The following GPC3 variants were observed in gnomAD, a reference collection of about 807,000 sequenced individuals.
GPC3 encodes glypican 3.
In GPC3, 3 loss-of-function variants were observed where a neutral mutation model predicts 34.4. The ratio of observed to expected loss-of-function variants is 0.09; its 90% CI spans 0.04 to 0.23. The LOEUF (loss-of-function observed/expected upper bound fraction) is 0.23, where lower values mean the gene tolerates loss of function less well. Among genes scored for constraint, GPC3 ranks in the 10% least tolerant of loss-of-function variants. The probability of loss-of-function intolerance (pLI) is 1.00; values close to 1 mark genes in which losing one functional copy is unlikely to be tolerated. For synonymous variants in GPC3, 177 were observed against 174.0 expected (o/e 1.02, Z -0.13); for missense variants, 351 against 445.6 (o/e 0.79, Z 1.91).
chrX:133,551,677 T>C (rs146159874), intron 7 of GPC3, among the ~76,000 whole-genome samples: 1,686 of 112,021 alleles, frequency 0.015, 31 homozygotes, highest in African/African-American at 0.049. Flanking sequence ...AAACCTCTAG[T>C]CTGGGTTCCA....
intron 2 of GPC3, among the ~76,000 whole-genome samples, chrX:133,775,554 C>T (rs1270267783): frequency 8.9e-6 from 1 of 111,780 alleles, no homozygotes; most frequent in African/African-American, 3.3e-5. Context: ...TGTCTAACTG[C>T]TCTAATTGTC....
rs150864032 is a variant in GPC3 at position 133,780,616 on chromosome X, T to C, written c.338-26440A>G. Among the ~76,000 whole-genome samples the C allele has an allele frequency of 7.6e-3, 846 of 111,526 alleles. 5 individuals are homozygous for C. The highest frequency in any genetic ancestry group is 0.026 in the African/African-American group (791 of 30,674). On this transcript the variant is annotated intron_variant, in intron 2 of 7. Transcript: ENST00000370818. ...TCTGAAAGTAATTCATGGGAACATA[T>C]AATTACCTATCAACCTGCTTTCACA... is the stretch of plus-strand genomic sequence containing the variant.
chrX:133,792,942 A>G (rs979543676), intron 2 of GPC3, among the ~76,000 whole-genome samples: 3 of 111,678 alleles, frequency 2.7e-5, no homozygotes, highest in Admixed American at 1.9e-4. Context: ...CCTTCTAACA[A>G]AAGGCCATTA....
chrX:133,754,180 TA>T lies in GPC3; in HGVS notation c.338-5del, dbSNP rs370737647. 0.2 allele frequency: 150,782 copies of T among 755,657 alleles called. 280 individuals carry two copies. The highest frequency in any genetic ancestry group is 0.32 in the Admixed American group (8,857 of 27,931). 62.3% of individuals were successfully genotyped at this position (755,657 alleles called of 1,213,427 possible). Reference sequence around the variant, plus strand: ...CGAACAACAATTTCAAAGGCCTCTGTAAAAAAAAAAAAAAAAGAGACACAAA... The same window carrying T: ...CGAACAACAATTTCAAAGGCCTCTGTAAAAAAAAAAAAAAAGAGACACAAA... On this transcript the variant is annotated splice_region_variant and splice_polypyrimidine_tract_variant and intron_variant, in intron 2 of 7. Transcript: ENST00000370818.
intron 3 of GPC3, among the ~76,000 whole-genome samples, chrX:133,726,235 T>C (rs1484905515): frequency 9.0e-6 from 1 of 111,494 alleles, no homozygotes; most frequent in Non-Finnish European, 1.9e-5. Flanking sequence ...GATCCAAACA[T>C]TGGCAGCTGG....
At chrX:133,934,903 G>T (rs2076316760) in intron 2 of GPC3, among the ~76,000 whole-genome samples, 1 of 110,701 alleles carries the variant, frequency 9.0e-6, no homozygotes, top group African/African-American at 3.3e-5. Flanking sequence ...ACTAGACGGG[G>T]CTGAAAAATC....
At chrX:133,974,339 C>A (rs1202711116) in intron 1 of GPC3, among the ~76,000 whole-genome samples, 3 of 112,649 alleles carry the variant, frequency 2.7e-5, no homozygotes, top group Non-Finnish European at 5.6e-5. Flanking sequence ...TGTGAGCCAC[C>A]ATGTCCAGCC....
intron 2 of GPC3, among the ~76,000 whole-genome samples, chrX:133,927,458 G>A (rs1423600828): frequency 9.1e-6 from 1 of 109,733 alleles, no homozygotes; most frequent in Non-Finnish European, 1.9e-5. Context: ...GATAGAGTGA[G>A]GGATAAAGGG....
chrX:133,926,286 C>T (rs1009861496), intron 2 of GPC3, among the ~76,000 whole-genome samples: 4 of 111,886 alleles, frequency 3.6e-5, no homozygotes, highest in East Asian at 2.8e-4. Flanking sequence ...CTCCAAACTC[C>T]GTAGCTGTAG....
chrX:133,589,889 T>C (rs1442665747), intron 7 of GPC3, among the ~76,000 whole-genome samples: 1 of 111,653 alleles, frequency 9.0e-6, no homozygotes, highest in Non-Finnish European at 1.9e-5. Flanking sequence ...AGAGATGAAG[T>C]ATCCCACTGC....
intron 1 of GPC3, among the ~76,000 whole-genome samples, chrX:133,977,262 G>A (rs976963929): frequency 8.9e-6 from 1 of 111,840 alleles, no homozygotes; most frequent in African/African-American, 3.3e-5. Context: ...CATGGTCCCT[G>A]CATTCAATAA....
intron 2 of GPC3, among the ~76,000 whole-genome samples, chrX:133,871,243 A>G (rs925092419): frequency 1.8e-5 from 2 of 110,733 alleles, no homozygotes; most frequent in Admixed American, 9.6e-5. Flanking sequence ...CCTTATTTCT[A>G]CTCCTGACAT....
intron 6 of GPC3, among the ~76,000 whole-genome samples, chrX:133,625,470 T>G (rs1311319462): frequency 8.9e-6 from 1 of 112,186 alleles, no homozygotes; most frequent in Admixed American, 9.5e-5. Context: ...CAGCGAAGTC[T>G]CAGGATACAA....
At chrX:133,761,745 C>T (rs1280250310) in intron 2 of GPC3, among the ~76,000 whole-genome samples, 1 of 111,722 alleles carries the variant, frequency 9.0e-6, no homozygotes, top group Non-Finnish European at 1.9e-5. Flanking sequence ...TTGACCAACT[C>T]ATTAGCCCAA....
chrX:133,917,832 T>C (rs1455980077), intron 2 of GPC3, among the ~76,000 whole-genome samples: 3 of 111,754 alleles, frequency 2.7e-5, no homozygotes, highest in Non-Finnish European at 3.8e-5. Flanking sequence ...AACACCAAAA[T>C]TGAAAAATGT....
intron 1 of GPC3, among the ~76,000 whole-genome samples, chrX:133,973,544 G>A (rs2076502455): frequency 8.9e-6 from 1 of 112,643 alleles, no homozygotes; most frequent in Non-Finnish European, 1.9e-5. Context: ...TCAAGCTTAT[G>A]TTGAAAGAAA....
intron 5 of GPC3, among the ~76,000 whole-genome samples, chrX:133,666,143 C>T (rs2070765652): frequency 9.0e-6 from 1 of 111,675 alleles, no homozygotes. Context: ...CTTTGTGGTC[C>T]TACTGTATTA....
chrX:133,693,648 A>G (rs1350525893), intron 4 of GPC3, among the ~76,000 whole-genome samples: 1 of 111,742 alleles, frequency 8.9e-6, no homozygotes, highest in Non-Finnish European at 1.9e-5. Context: ...TCATTTGGAC[A>G]CTGGTGGAAG....
At chrX:133,952,680 T>A (rs941334526) in intron 2 of GPC3, among the ~76,000 whole-genome samples, 1 of 112,329 alleles carries the variant, frequency 8.9e-6, no homozygotes, top group Non-Finnish European at 1.9e-5. Flanking sequence ...GGAGTCCACA[T>A]GTATCCCACA....
Sources: gnomAD v4.1 joint callset for allele counts (sites outside exome capture counted in the v4.1 genomes callset) on GRCh38, gnomAD v4.1.1 for gene constraint, MANE v1.5 for transcripts, NCBI Gene and HGNC (gene_info 2026-07-23, HGNC 2026-07-21) for gene names.